SPAG16: variants seen among roughly 807,000 people sequenced by gnomAD.
The protein encoded by SPAG16 is sperm associated antigen 16.
A neutral mutation model predicts 80.4 loss-of-function variants in SPAG16; 86 were observed. The ratio of observed to expected loss-of-function variants is 1.07; its 90% CI spans 0.90 to 1.28. SPAG16 has a LOEUF of 1.28. Among genes scored for constraint, SPAG16 ranks in the 50% most tolerant of loss-of-function variants. The pLI, the probability that SPAG16 is intolerant of heterozygous loss-of-function variation, is 0.00. For missense variants in SPAG16, 870 were observed against 765.3 expected, an observed-to-expected ratio of 1.14 and a Z score of -1.61; for synonymous variants, 294 against 265.9, an observed-to-expected ratio of 1.11 and a Z score of -1.03.
intron 15 of SPAG16, among the ~76,000 whole-genome samples, chr2:214,229,114 T>G (rs1688506113): frequency 6.6e-6 from 1 of 151,302 alleles, no homozygotes. Flanking sequence ...CAAAACAGAG[T>G]TCTTTCTCTT....
intron 5 of SPAG16, among the ~76,000 whole-genome samples, chr2:213,337,659 A>T (rs1404537830): frequency 1.3e-5 from 2 of 152,188 alleles, no homozygotes; most frequent in Admixed American, 6.5e-5. Context: ...TAAGACAGGC[A>T]GACAAGAGGA....
At chr2:213,933,600 C>T (rs966480374) in intron 12 of SPAG16, among the ~76,000 whole-genome samples, 4 of 152,150 alleles carry the variant, frequency 2.6e-5, no homozygotes, top group African/African-American at 9.7e-5. Context: ...TGTTGCTATT[C>T]CAGCTGTTTT....
chr2:213,455,804 G>A (rs2071971811), intron 9 of SPAG16, among the ~76,000 whole-genome samples: 1 of 152,182 alleles, frequency 6.6e-6, no homozygotes, highest in Admixed American at 6.5e-5. Context: ...CCTGTTGTGT[G>A]GCCTGGTTCC....
At chr2:213,991,859 G>GTTTATTTATTTATTTATTTATTTA (rs35598286) in intron 12 of SPAG16, among the ~76,000 whole-genome samples, 1 of 144,894 alleles carries the variant, frequency 6.9e-6, no homozygotes, top group Admixed American at 7.0e-5. Context: ...ACAATTGAGA[G>GTTTATTTATTTATTTATTTATTTA]TTTATTTATT....
chr2:213,296,801 G>T (rs959137636), intron 2 of SPAG16, among the ~76,000 whole-genome samples: 5 of 152,164 alleles, frequency 3.3e-5, no homozygotes, highest in African/African-American at 1.2e-4. Context: ...AGAAGCGTGT[G>T]TTAAGTCTTA....
chr2:213,670,983 C>T (rs2063793036), intron 10 of SPAG16, among the ~76,000 whole-genome samples: 2 of 152,192 alleles, frequency 1.3e-5, no homozygotes, highest in South Asian at 4.1e-4. Context: ...GGAACCATCA[C>T]ATGGATACAT....
chr2:214,088,684 A>T (rs2051951900), intron 13 of SPAG16, among the ~76,000 whole-genome samples: 1 of 152,120 alleles, frequency 6.6e-6, no homozygotes, highest in Non-Finnish European at 1.5e-5. Flanking sequence ...AAACTTGAAT[A>T]GAACCATACC....
chr2:213,358,223 C>T (rs1275068871), intron 7 of SPAG16, among the ~76,000 whole-genome samples: 4 of 152,056 alleles, frequency 2.6e-5, no homozygotes, highest in East Asian at 1.9e-4. Context: ...GTGAATCTGA[C>T]GATTATGTGT....
chr2:213,749,207 T>G (rs752103732), intron 10 of SPAG16, among the ~76,000 whole-genome samples: 5 of 152,094 alleles, frequency 3.3e-5, no homozygotes, highest in Non-Finnish European at 7.4e-5. Context: ...CTTTATTTGC[T>G]CCCACTTATT....
In SPAG16 at chr2:213,350,891, A is replaced by G. The variant is rs1280922294; in HGVS notation, c.762+246A>G. The stretch of plus-strand genomic sequence containing the variant: ...GTAATCCCAGCACTTTGGGAGACCA[A>G]GGTAGGTGGATCATTTGCGGCCAGG... On this transcript the variant is annotated intron_variant, in intron 7 of 15. Coordinates refer to ENST00000331683, the MANE Select transcript of SPAG16 (RefSeq NM_024532.5). Among the ~76,000 whole-genome samples, 5 of 152,060 alleles carry G rather than the reference A, an allele frequency of 3.3e-5. No individual in the cohort carries two copies. In the South Asian group the frequency reaches 1.0e-3, roughly 31 times the overall value.
At chr2:213,949,181 T>TG (rs1253485320) in intron 12 of SPAG16, among the ~76,000 whole-genome samples, 5 of 18,790 alleles carry the variant, frequency 2.7e-4, no homozygotes, top group Non-Finnish European at 6.3e-4. Flanking sequence ...TTTTTTTTTT[T>TG]TTTTTTTTTT....
chr2:213,543,714 T>C (rs536215926), intron 10 of SPAG16, among the ~76,000 whole-genome samples: 14 of 151,996 alleles, frequency 9.2e-5, no homozygotes, highest in African/African-American at 3.4e-4. Flanking sequence ...ATTTTCATGT[T>C]GGTATAATGA....
chr2:214,202,201 C>G lies in SPAG16; in HGVS notation c.1720+52935C>G, dbSNP rs1576484407. ...TACTTTGGATGTGGGAGACGTTACA[C>G]CAACAAAGTCAGTCATTTAGAAAGA... On this transcript the variant is annotated intron_variant, in intron 15 of 15. Coordinates refer to ENST00000331683, the MANE Select transcript of SPAG16 (RefSeq NM_024532.5). Among the ~76,000 whole-genome samples, 10 of 152,216 alleles carry G rather than the reference C, an allele frequency of 6.6e-5. No individual in the cohort carries two copies. In the South Asian group the frequency reaches 2.1e-3, roughly 32 times the overall value.
intron 14 of SPAG16, among the ~76,000 whole-genome samples, chr2:214,116,741 GC>G (rs1472665402): frequency 6.6e-6 from 1 of 152,196 alleles, no homozygotes; most frequent in African/African-American, 2.4e-5. Flanking sequence ...AGGACAGAGA[GC>G]CATGTCATCC....
intron 15 of SPAG16, among the ~76,000 whole-genome samples, chr2:214,256,519 A>G (rs1425190676): frequency 6.6e-6 from 1 of 151,940 alleles, no homozygotes; most frequent in Non-Finnish European, 1.5e-5. Flanking sequence ...TATAGTTTTA[A>G]TATATTGATC....
chr2:213,944,304 A>C (rs2079346378), intron 12 of SPAG16, among the ~76,000 whole-genome samples: 1 of 152,222 alleles, frequency 6.6e-6, no homozygotes. Flanking sequence ...CCAGAGGCAG[A>C]GCATCATCAA....
intron 15 of SPAG16, among the ~76,000 whole-genome samples, chr2:214,308,873 A>T (rs1267107021): frequency 6.6e-6 from 1 of 151,802 alleles, no homozygotes; most frequent in Non-Finnish European, 1.5e-5. Context: ...CTTGGGGATG[A>T]TCTTCTTGTG....
intron 10 of SPAG16, among the ~76,000 whole-genome samples, chr2:213,753,596 G>T (rs933315883): frequency 6.6e-6 from 1 of 152,194 alleles, no homozygotes; most frequent in African/African-American, 2.4e-5. Flanking sequence ...GTAGCTACAG[G>T]TAGGGAAGAA....
intron 15 of SPAG16, among the ~76,000 whole-genome samples, chr2:214,220,194 T>C (rs2125773218): frequency 6.6e-6 from 1 of 152,254 alleles, no homozygotes; most frequent in African/African-American, 2.4e-5. Flanking sequence ...CTTATAAGAA[T>C]GTTAACACAT....
Sources: gnomAD v4.1 joint callset for allele counts (sites outside exome capture counted in the v4.1 genomes callset) on GRCh38, gnomAD v4.1.1 for gene constraint, MANE v1.5 for transcripts, NCBI Gene and HGNC (gene_info 2026-07-23, HGNC 2026-07-21) for gene names.